Variants in QPCTL observed in about 807,000 individuals in gnomAD.
QPCTL encodes glutaminyl-peptide cyclotransferase-like protein.
In QPCTL, 31 loss-of-function variants were observed where a neutral mutation model predicts 34.6. The observed-to-expected ratio is 0.90, with a 90% CI of 0.67 to 1.21. The LOEUF is 1.21. Among genes scored for constraint, QPCTL ranks in the 50% most tolerant of loss-of-function variants. The pLI, the probability that QPCTL is intolerant of heterozygous loss-of-function variation, is 0.00. For synonymous variants in QPCTL, 223 were observed against 226.9 expected (o/e 0.98, Z 0.15); for missense variants, 474 against 507.8 (o/e 0.93, Z 0.64).
At position 45,698,912 on chromosome 19, in the gene QPCTL, T is replaced by C. The variant is rs74522687; in HGVS notation, c.886+12T>C. The C allele has an allele frequency of 3.0e-5, 48 of 1,611,556 alleles. No individual in the cohort carries two copies. In the African/African-American group the frequency reaches 6.0e-4, roughly 20 times the overall value. On this transcript the variant is annotated intron_variant, in intron 5 of 6. Coordinates refer to ENST00000012049, the MANE Select transcript of QPCTL (RefSeq NM_017659.4). ...GCTGAGGAGCATTGGTAAGGGTGAA[T>C]GCGGAGGTGGGCCCCAGCCCACCTG...
At position 45,698,687 on chromosome 19, in the gene QPCTL, G is replaced by C; in HGVS notation, c.774G>C (p.Arg258Ser). 1 of 1,614,134 alleles carries C rather than the reference G, an allele frequency of 6.2e-7. No individual in the cohort carries two copies. The highest frequency in any genetic ancestry group is 8.5e-7 in the Non-Finnish European group (1 of 1,180,014). Residue 258 changes from arginine (R) to serine (S), a missense_variant, in exon 4 of 7, where the codon AGG (arginine) becomes AGC (serine). Coordinates refer to ENST00000012049, the MANE Select transcript of QPCTL (RefSeq NM_017659.4). ...ESIPHSPGPTRIQAIELFMLL... is the reference protein window; with the variant it reads ...ESIPHSPGPTSIQAIELFMLL... ...TACCTCACAGCCCCGGCCCCACCAG[G>C]ATCCAGGCTATTGTAAGACCAGGGT...
intron 2 of QPCTL, among the ~76,000 whole-genome samples, chr19:45,694,061 T>C (rs1273671635): frequency 6.6e-6 from 1 of 152,082 alleles, no homozygotes; most frequent in Non-Finnish European, 1.5e-5. Context: ...CTGTAATGTA[T>C]CTGTTGTCTT....
chr19:45,695,809 C>A, intron 3 of QPCTL, 91 bp downstream of exon 3: 2 of 1,389,840 alleles, frequency 1.4e-6, no homozygotes, highest in South Asian at 1.4e-5. Context: ...TCATCCCTCT[C>A]GTCTTCCCAC....
rs1459829730 is a variant in QPCTL, at chr19:45,693,457, G to A, written c.252G>A (p.Val84=). The A allele has an allele frequency of 1.9e-6, 3 of 1,613,164 alleles. No homozygotes were observed. Among genetic ancestry groups the A allele is most frequent in the Non-Finnish European group, 1.7e-6 (2 of 1,179,482 alleles). ...TCCCCGAAGCCCGGCTGCGGAGGGTGGTGGGACAACTGGATCCACAGCGTC... is the reference window on the plus strand; with the variant it reads ...TCCCCGAAGCCCGGCTGCGGAGGGTAGTGGGACAACTGGATCCACAGCGTC... ...GSLPEARLRR[V]VGQLDPQRLW... is the part of the protein sequence containing the mutation. The change falls in exon 2 of 7, where the codon GTG becomes GTA. Residue 84 remains valine (V), a synonymous_variant. Transcript: ENST00000012049.
At position 45,698,869 on chromosome 19, in the gene QPCTL, G is replaced by C. The variant is rs765616312; in HGVS notation, c.855G>C (p.Thr285=). Residue 285 remains threonine, a synonymous_variant, in exon 5 of 7, where the codon ACG becomes ACC. Transcript: ENST00000012049. ...CCTTCTACAGCCACTTCCCTCGCAC[G>C]GTCCGCTGGTTCCATCGGCTGAGGA... ...NPTFYSHFPR[T]VRWFHRLRSI... 13 of 1,613,908 alleles carry C rather than the reference G, an allele frequency of 8.1e-6. No homozygotes were observed. The highest frequency in any genetic ancestry group is 1.1e-5 in the South Asian group (1 of 91,064).
rs368290217 is a variant in QPCTL at position 45,701,838 on chromosome 19, C to T, written c.927C>T (p.Pro309=). 1.3e-5 allele frequency: 21 copies of T among 1,613,896 alleles called. No homozygotes were observed. The highest frequency in any genetic ancestry group is 3.3e-4 in the Middle Eastern group (2 of 6,084). The change falls in exon 6 of 7, where the codon CCC becomes CCT. Residue 309 remains proline, a synonymous_variant. Transcript: ENST00000012049. ...GTTTGAACCTGCTGCAGTCTCATCC[C>T]CAGGAAGTGATGTACTTCCAACCCG... ...LHRLNLLQSH[P]QEVMYFQPGE... is the part of the protein sequence containing the mutation.
chr19:45,693,480 G>A lies in QPCTL; in HGVS notation c.275G>A (p.Arg92His). The A allele has an allele frequency of 3.1e-6, 5 of 1,613,414 alleles. No individual in the cohort carries two copies. The highest frequency in any genetic ancestry group is 3.4e-6 in the Non-Finnish European group (4 of 1,179,610). ...GTGGTGGGACAACTGGATCCACAGC[G>A]TCTCTGGAGCACTTATCTGCGCCCC... is the stretch of plus-strand genomic sequence containing the variant. The part of the protein sequence containing the change: ...RRVVGQLDPQ[R>H]LWSTYLRPLL... The change falls in exon 2 of 7, where the codon CGT (arginine) becomes CAT (histidine). Residue 92 changes from arginine to histidine, a missense_variant. Arg to His is a conservative substitution (Grantham distance 29). Coordinates refer to ENST00000012049, the MANE Select transcript of QPCTL (RefSeq NM_017659.4).
Position 45,692,829 on chromosome 19 carries a change from G to C in QPCTL, c.126G>C (p.Leu42=). 3 of 1,564,616 alleles carry C rather than the reference G, an allele frequency of 1.9e-6. No homozygotes were observed. In the South Asian group the frequency reaches 3.5e-5, roughly 18 times the overall value. Residue 42 remains leucine (L), a synonymous_variant, in exon 1 of 7, where the codon CTG becomes CTC. Transcript: ENST00000012049. The part of the protein sequence containing the change: ...RVRLLPLLLA[L]AVGSAFYTIW... ...GGCTCTTGCCTCTGTTGCTGGCGCT[G>C]GCCGTGGGCTCGGCGTTCTACACCA...
Position 45,693,451 on chromosome 19 carries a change from G to A in QPCTL, c.246G>A (p.Arg82=). ...LIGSLPEARL[R]RVVGQLDPQR... Reference sequence around the variant, plus strand: ...GAAGCCTCCCCGAAGCCCGGCTGCGGAGGGTGGTGGGACAACTGGATCCAC... The same window carrying A: ...GAAGCCTCCCCGAAGCCCGGCTGCGAAGGGTGGTGGGACAACTGGATCCAC... Residue 82 remains arginine, a synonymous_variant, in exon 2 of 7, where the codon CGG becomes CGA. Coordinates refer to ENST00000012049, the MANE Select transcript of QPCTL (RefSeq NM_017659.4). The A allele has an allele frequency of 6.2e-7, 1 of 1,612,890 alleles. No individual in the cohort carries two copies. Among genetic ancestry groups the A allele is most frequent in the Non-Finnish European group, 8.5e-7 (1 of 1,179,344 alleles).
In QPCTL at chr19:45,698,682, A is replaced by C; in HGVS notation, c.769A>C (p.Thr257Pro). 6.2e-7 allele frequency: 1 copy of C among 1,614,036 alleles called. No homozygotes were observed. The highest frequency in any genetic ancestry group is 8.5e-7 in the Non-Finnish European group (1 of 1,179,982). The change falls in exon 4 of 7, where the codon ACC becomes CCC. Residue 257 changes from threonine to proline, a missense_variant. Thr to Pro is a conservative substitution (Grantham distance 38). Transcript: ENST00000012049. ...MESIPHSPGPTRIQAIELFML... is the reference protein window; with the variant it reads ...MESIPHSPGPPRIQAIELFML... ...GTCTATACCTCACAGCCCCGGCCCCACCAGGATCCAGGCTATTGTAAGACC... is the reference window on the plus strand; with the variant it reads ...GTCTATACCTCACAGCCCCGGCCCCCCCAGGATCCAGGCTATTGTAAGACC...
At chr19:45,701,297 A>G (rs1967807479) in intron 5 of QPCTL, among the ~76,000 whole-genome samples, 1 of 147,324 alleles carries the variant, frequency 6.8e-6, no homozygotes, top group Non-Finnish European at 1.5e-5. Flanking sequence ...TTTTTTGGAG[A>G]CAGAATCTTA....
Position 45,693,600 on chromosome 19 carries a change from G to A in QPCTL, c.351+44G>A, listed in dbSNP as rs565194604. The A allele has an allele frequency of 1.8e-5, 27 of 1,541,120 alleles. No homozygotes were observed. In the South Asian group the frequency reaches 2.8e-4, roughly 16 times the overall value. On this transcript the variant is annotated intron_variant, in intron 2 of 6. Transcript: ENST00000012049. ...AGTCCCTGACCCCCTAGCCCTCCAG[G>A]GAATGGGAAATAAGAATCCTGTTCA...
intron 5 of QPCTL, among the ~76,000 whole-genome samples, chr19:45,700,613 A>T (rs1967790569): frequency 6.6e-6 from 1 of 152,082 alleles, no homozygotes; most frequent in South Asian, 2.1e-4. Context: ...TACCAGCTGG[A>T]TGAACTTGGA....
At chr19:45,700,831 C>T (rs558528375) in intron 5 of QPCTL, among the ~76,000 whole-genome samples, 8 of 151,784 alleles carry the variant, frequency 5.3e-5, no homozygotes, top group African/African-American at 9.7e-5. Flanking sequence ...TGGTGGTGGG[C>T]GCCTGTACTC....
rs575194261 is a variant in QPCTL, at chr19:45,699,198, T to C, written c.886+298T>C. ...ACAGGCGCATGCCACCATGCCCAGC[T>C]AATTTTTGTATTTTAGTAGAGACAG... On this transcript the variant is annotated intron_variant, in intron 5 of 6. Coordinates refer to ENST00000012049, the MANE Select transcript of QPCTL (RefSeq NM_017659.4). Among the ~76,000 whole-genome samples, 91 of 151,888 alleles carry C rather than the reference T, an allele frequency of 6.0e-4. 3 individuals are homozygous for C. Among genetic ancestry groups the C allele is most frequent in the Non-Finnish European group, 4.6e-4 (31 of 67,960 alleles).
intron 5 of QPCTL, among the ~76,000 whole-genome samples, chr19:45,700,725 C>T (rs2146131820): frequency 6.6e-6 from 1 of 152,120 alleles, no homozygotes; most frequent in South Asian, 2.1e-4. Context: ...CTTTGGGAGG[C>T]CGAGGTGGGC....
rs531435208 is a variant in QPCTL, at chr19:45,698,898, T to C, written c.884T>C (p.Ile295Thr). 1.4e-5 allele frequency: 23 copies of C among 1,613,118 alleles called. No homozygotes were observed. In the East Asian group the frequency reaches 4.7e-4, roughly 33 times the overall value. The change falls in exon 5 of 7, where the codon ATT (isoleucine) becomes ACT (threonine). Residue 295 changes from isoleucine to threonine, a missense_variant and splice_region_variant. Coordinates refer to ENST00000012049, the MANE Select transcript of QPCTL (RefSeq NM_017659.4). The part of the protein sequence containing the change: ...TVRWFHRLRS[I>T]EKRLHRLNLL... ...CGCTGGTTCCATCGGCTGAGGAGCA[T>C]TGGTAAGGGTGAATGCGGAGGTGGG... is the stretch of plus-strand genomic sequence containing the variant.
chr19:45,700,359 C>T (rs987872242), intron 5 of QPCTL, among the ~76,000 whole-genome samples: 2 of 150,870 alleles, frequency 1.3e-5, no homozygotes, highest in African/African-American at 2.4e-5. Context: ...GCAGAAGAAT[C>T]GCTTGTACCT....
chr19:45,701,910 C>T lies in QPCTL; in HGVS notation c.999C>T (p.Arg333=), dbSNP rs368514226. The T allele has an allele frequency of 1.2e-6, 2 of 1,608,596 alleles. No individual in the cohort carries two copies. The stretch of plus-strand genomic sequence containing the variant: ...AAGACGACCACATCCCCTTCCTCCG[C>T]AGAGGTACCAGCTGCAGGGAGGGAT... ...SVEDDHIPFL[R]RGVPVLHLIS... The change falls in exon 6 of 7, where the codon CGC becomes CGT. Residue 333 remains arginine (R), a synonymous_variant. Coordinates refer to ENST00000012049, the MANE Select transcript of QPCTL (RefSeq NM_017659.4).
Sources: gnomAD v4.1 joint callset for allele counts (sites outside exome capture counted in the v4.1 genomes callset) on GRCh38, gnomAD v4.1.1 for gene constraint, MANE v1.5 for transcripts, NCBI Gene and HGNC (gene_info 2026-07-23, HGNC 2026-07-21) for gene names.